TRAF3: variants seen among roughly 807,000 people sequenced by gnomAD.
TRAF3 encodes the protein TNF receptor-associated factor 3.
Under a neutral mutation model 62.3 loss-of-function variants are expected in TRAF3, and 13 were observed. The ratio of observed to expected loss-of-function variants is 0.21; its 90% CI spans 0.14 to 0.33. TRAF3 has a LOEUF of 0.33. TRAF3 is among the 10% of genes least tolerant of loss of function. TRAF3 has a pLI of 1.00. For missense variants in TRAF3, 440 were observed against 741.8 expected (o/e 0.59, Z 4.73); for synonymous variants, 269 against 283.4 (o/e 0.95, Z 0.51).
intron 1 of TRAF3, among the ~76,000 whole-genome samples, chr14:102,796,419 G>T (rs900984123): frequency 6.6e-6 from 1 of 152,214 alleles, no homozygotes; most frequent in Non-Finnish European, 1.5e-5. Context: ...CCTGAGTCCT[G>T]TGAGCCACTC....
intron 1 of TRAF3, among the ~76,000 whole-genome samples, chr14:102,796,070 A>G (rs1287800023): frequency 6.6e-6 from 1 of 152,050 alleles, no homozygotes; most frequent in African/African-American, 2.4e-5. Flanking sequence ...TACAAAAATT[A>G]GCCGGGTGTG....
At chr14:102,886,027 C>G (rs1229359325) in intron 6 of TRAF3, among the ~76,000 whole-genome samples, 162 bp from the exon 7 acceptor site, 1 of 152,232 alleles carries the variant, frequency 6.6e-6, no homozygotes, top group African/African-American at 2.4e-5. Flanking sequence ...GACACTCACA[C>G]TCCGTGACAA....
chr14:102,828,864 G>A (rs1028615599), intron 1 of TRAF3, among the ~76,000 whole-genome samples: 4 of 151,994 alleles, frequency 2.6e-5, no homozygotes, highest in East Asian at 3.9e-4. Context: ...GTGTAGATAC[G>A]CATAGAATAT....
chr14:102,848,817 GTTC>G (rs1886869085), intron 2 of TRAF3, among the ~76,000 whole-genome samples: 1 of 152,162 alleles, frequency 6.6e-6, no homozygotes, highest in Non-Finnish European at 1.5e-5. Flanking sequence ...CACTGGACAT[GTTC>G]TTCTGCCTGT....
At chr14:102,847,640 A>G (rs569388321) in intron 2 of TRAF3, among the ~76,000 whole-genome samples, 4 of 152,272 alleles carry the variant, frequency 2.6e-5, no homozygotes, top group Admixed American at 1.3e-4. Flanking sequence ...AAGCTTCCAT[A>G]TATCTCCTTA....
chr14:102,884,813 A>G (rs1235804056), intron 6 of TRAF3, among the ~76,000 whole-genome samples: 1 of 148,756 alleles, frequency 6.7e-6, no homozygotes, highest in Non-Finnish European at 1.5e-5. Context: ...CTCCGTCTCA[A>G]AAAAAAAAAA....
rs545923831 is a variant in TRAF3 at position 102,886,338 on chromosome 14, T to G, written c.651+69T>G. 2.3e-5 allele frequency: 31 copies of G among 1,359,732 alleles called. No individual in the cohort carries two copies. In the East Asian group the frequency reaches 7.5e-4, roughly 33 times the overall value. The allele number at this position is 1,359,732 out of a possible 1,614,324, so 84.2% of individuals were successfully genotyped here. On this transcript the variant is annotated intron_variant, in intron 7 of 11. Transcript: ENST00000392745. ...GGCTGCGTGCCTGGCTCCCCTTCCC[T>G]GCATAGCCGAAGCCTCACGTTTTCC... is the stretch of plus-strand genomic sequence containing the variant.
At chr14:102,824,422 T>C (rs1900170853) in intron 1 of TRAF3, among the ~76,000 whole-genome samples, 1 of 152,260 alleles carries the variant, frequency 6.6e-6, no homozygotes, top group Non-Finnish European at 1.5e-5. Context: ...GTATTTTATA[T>C]TATTTTTCTT....
intron 1 of TRAF3, among the ~76,000 whole-genome samples, chr14:102,829,936 C>T (rs1239038456): frequency 2.0e-5 from 3 of 151,850 alleles, no homozygotes; most frequent in African/African-American, 7.3e-5. Context: ...CTAAGACCAG[C>T]CTGGGCAAAA....
chr14:102,883,124 C>A (rs566215230), intron 6 of TRAF3, among the ~76,000 whole-genome samples: 1 of 152,170 alleles, frequency 6.6e-6, no homozygotes, highest in African/African-American at 2.4e-5. Flanking sequence ...GAAACACACA[C>A]GCCAGGAAAT....
intron 1 of TRAF3, among the ~76,000 whole-genome samples, chr14:102,811,993 C>T: frequency 7.8e-6 from 1 of 128,906 alleles, no homozygotes; most frequent in Non-Finnish European, 1.6e-5. Context: ...AAACTCCTGG[C>T]CTCAAGTGGT....
Position 102,910,136 on chromosome 14 carries a change from G to A in TRAF3, c.*4352G>A, listed in dbSNP as rs1471067665. On this transcript the variant is annotated 3_prime_UTR_variant, in exon 12 of 12. Coordinates refer to ENST00000392745, the MANE Select transcript of TRAF3 (RefSeq NM_145725.3). ...GTCTCCTTGGGCCGTTGCAGGATTG[G>A]GCGGGTGCAGACTCCCCTTGCGGGC... The A allele has an allele frequency of 6.6e-5, 10 of 152,252 alleles. No individual in the cohort carries two copies. Among genetic ancestry groups the A allele is most frequent in the Admixed American group, 6.5e-4 (10 of 15,286 alleles). The allele number at this position is 152,252 out of a possible 1,614,324, so 9.4% of individuals were successfully genotyped here. A position where few individuals can be genotyped will look rare whatever the true frequency, so the allele number is the denominator to read the frequency against.
At chr14:102,876,714 A>AATCC in intron 6 of TRAF3, 189 bp downstream of exon 6, 1 of 732,802 alleles carries the variant, frequency 1.4e-6, no homozygotes, top group East Asian at 2.9e-5. Context: ...ATTCATAGAT[A>AATCC]ATCCGTTCCA....
chr14:102,874,513 C>A (rs1375091340), intron 4 of TRAF3, among the ~76,000 whole-genome samples: 2 of 152,056 alleles, frequency 1.3e-5, no homozygotes. Context: ...CCCACCTCGG[C>A]CTCCCAAAGT....
chr14:102,816,280 T>G (rs1246397732), intron 1 of TRAF3, among the ~76,000 whole-genome samples: 2 of 152,014 alleles, frequency 1.3e-5, no homozygotes, highest in Non-Finnish European at 2.9e-5. Flanking sequence ...TTTTTGTATT[T>G]TTTGTAGAGA....
chr14:102,803,119 A>T (rs1898544433), intron 1 of TRAF3, among the ~76,000 whole-genome samples: 1 of 152,094 alleles, frequency 6.6e-6, no homozygotes, highest in African/African-American at 2.4e-5. Context: ...TGACACATGG[A>T]GATTATGGGA....
intron 2 of TRAF3, among the ~76,000 whole-genome samples, chr14:102,855,137 C>T (rs563985995): frequency 1.9e-4 from 29 of 152,178 alleles, no homozygotes; most frequent in Non-Finnish European, 2.5e-4. Flanking sequence ...TTTCAGGGTT[C>T]ATCCATGTTG....
At chr14:102,884,606 T>TC (rs1889256355) in intron 6 of TRAF3, among the ~76,000 whole-genome samples, 1 of 152,002 alleles carries the variant, frequency 6.6e-6, no homozygotes, top group Admixed American at 6.5e-5. Context: ...GGTCAGGAGT[T>TC]CGAGACCAGC....
At chr14:102,820,887 A>C (rs1424189570) in intron 1 of TRAF3, among the ~76,000 whole-genome samples, 1 of 151,738 alleles carries the variant, frequency 6.6e-6, no homozygotes, top group Non-Finnish European at 1.5e-5. Flanking sequence ...CTCCTGGCTC[A>C]GCCTCCCAAA....
Sources: gnomAD v4.1 joint callset for allele counts (sites outside exome capture counted in the v4.1 genomes callset) on GRCh38, gnomAD v4.1.1 for gene constraint, MANE v1.5 for transcripts, NCBI Gene and HGNC (gene_info 2026-07-23, HGNC 2026-07-21) for gene names.